SHROOM4: variants seen among roughly 807,000 people sequenced by gnomAD.
SHROOM4 encodes protein Shroom4.
SHROOM4 carries 17 observed loss-of-function variants against 80.3 expected under a neutral mutation model. That is an observed-to-expected ratio of 0.21 (90% CI 0.14 to 0.32). SHROOM4 has a LOEUF of 0.32. SHROOM4 is among the 10% of genes least tolerant of loss of function. The probability of loss-of-function intolerance (pLI) is 1.00; values close to 1 mark genes in which losing one functional copy is unlikely to be tolerated. For synonymous variants in SHROOM4, 400 were observed against 437.5 expected (o/e 0.91, Z 1.07); for missense variants, 993 against 1,140.3 (o/e 0.87, Z 1.86).
Position 50,607,637 on chromosome X carries a change from A to T in SHROOM4, c.3505T>A (p.Ser1169Thr). The T allele has an allele frequency of 8.3e-7, 1 of 1,210,198 alleles. No individual in the cohort carries two copies. Among genetic ancestry groups the T allele is most frequent in the Non-Finnish European group, 1.1e-6 (1 of 894,724 alleles). ...TCAGGATTGAGAGCACAGGAACCAG[A>T]GGTTTCTGAACTGAAATACTGGGGT... is the stretch of plus-strand genomic sequence containing the variant. ...LPPQYFSSET[S>T]GSCALNPEEV... Residue 1169 changes from serine (S) to threonine (T), a missense_variant, in exon 6 of 9, where the codon TCT becomes ACT. Ser to Thr is a moderately conservative substitution (Grantham distance 58). Coordinates refer to ENST00000376020, the MANE Select transcript of SHROOM4 (RefSeq NM_020717.5).
At position 50,697,586 on chromosome X, in the gene SHROOM4, T is replaced by A. The variant is rs544749814; in HGVS notation, c.118-1649A>T. On this transcript the variant is annotated intron_variant, in intron 1 of 8. Coordinates refer to ENST00000376020, the MANE Select transcript of SHROOM4 (RefSeq NM_020717.5). ...TATTGCTGCTAATCCAACTTTTTTTTAAAAAAATTAACCTTTGTCTGACAA... is the reference window on the plus strand; with the variant it reads ...TATTGCTGCTAATCCAACTTTTTTTAAAAAAAATTAACCTTTGTCTGACAA... Among the ~76,000 whole-genome samples, 115 of 110,484 alleles carry A rather than the reference T, an allele frequency of 1.0e-3. 2 individuals carry two copies. Among genetic ancestry groups the A allele is most frequent in the South Asian group, 9.4e-3 (25 of 2,660 alleles).
At chrX:50,655,186 A>G (rs1932257896) in intron 2 of SHROOM4, among the ~76,000 whole-genome samples, 1 of 109,738 alleles carries the variant, frequency 9.1e-6, no homozygotes, top group Non-Finnish European at 1.9e-5. Flanking sequence ...TATCCAATTC[A>G]CCATTGATGG....
chrX:50,729,433 A>G (rs1247414023), intron 1 of SHROOM4, among the ~76,000 whole-genome samples: 1 of 111,828 alleles, frequency 8.9e-6, no homozygotes, highest in East Asian at 2.8e-4. Flanking sequence ...ACTTGAATAC[A>G]GATGAATAGA....
chrX:50,703,968 C>G (rs1379187290), intron 1 of SHROOM4, among the ~76,000 whole-genome samples: 4 of 111,363 alleles, frequency 3.6e-5, no homozygotes, highest in Non-Finnish European at 7.5e-5. Context: ...TCAGGGAGAA[C>G]CAGAGTGGAA....
At chrX:50,782,035 C>A (rs1200672666) in intron 1 of SHROOM4, among the ~76,000 whole-genome samples, 1 of 111,167 alleles carries the variant, frequency 9.0e-6, no homozygotes, top group Non-Finnish European at 1.9e-5. Context: ...ATGGTGAAAC[C>A]CCATCTTTAC....
At chrX:50,676,299 T>G (rs1274476074) in intron 2 of SHROOM4, among the ~76,000 whole-genome samples, 3 of 110,939 alleles carry the variant, frequency 2.7e-5, no homozygotes, top group African/African-American at 9.8e-5. Context: ...AAAAGTAGTT[T>G]TTTTTTTTTC....
intron 6 of SHROOM4, 44 bp from the exon 7 acceptor site, chrX:50,602,857 G>C (rs1929493774): frequency 8.9e-7 from 1 of 1,122,244 alleles, no homozygotes; most frequent in Non-Finnish European, 1.2e-6. Context: ...CTGTTGAGAG[G>C]CTGCTGACAT....
In SHROOM4 at chrX:50,787,771, G is replaced by GAA. The variant is rs142352201; in HGVS notation, c.117+26129_117+26130dup. ...AGATGATATATTCAAAGCGCTAAAA[G>GAA]AAAAAAAAAAAACCCACCAGCAACT... On this transcript the variant is annotated intron_variant, in intron 1 of 8. Transcript: ENST00000376020. Among the ~76,000 whole-genome samples the GAA allele has an allele frequency of 4.1e-3, 408 of 99,334 alleles. 1 individual carries two copies. Among genetic ancestry groups the GAA allele is most frequent in the African/African-American group, 0.013 (344 of 27,473 alleles). 86.3% of individuals were successfully genotyped at this position (99,334 alleles called of 115,157 possible).
chrX:50,720,128 C>T (rs1188623262), intron 1 of SHROOM4, among the ~76,000 whole-genome samples: 1 of 110,681 alleles, frequency 9.0e-6, no homozygotes, highest in Admixed American at 9.6e-5. Context: ...GGGGTAAGGC[C>T]GACATGAAGT....
rs1557255229 is a variant in SHROOM4, at chrX:50,634,544, A to G, written c.1529T>C (p.Leu510Pro). ...ADGHPSEKGFLDPNRTSRAAS... is the reference protein window; with the variant it reads ...ADGHPSEKGFPDPNRTSRAAS... ...TGCTCTGCTTGTTCTGTTTGGGTCC[A>G]GGAAACCTTTTTCTGAGGGGTGTCC... The change falls in exon 4 of 9, where the codon CTG (leucine) becomes CCG (proline). Residue 510 changes from leucine (L) to proline (P), a missense_variant. Transcript: ENST00000376020. 1.2e-5 allele frequency: 14 copies of G among 1,211,822 alleles called. No homozygotes were observed. The highest frequency in any genetic ancestry group is 3.5e-5 in the South Asian group (2 of 56,955).
chrX:50,625,127 T>A (rs1443630279), intron 5 of SHROOM4, among the ~76,000 whole-genome samples: 2 of 111,497 alleles, frequency 1.8e-5, no homozygotes, highest in African/African-American at 6.5e-5. Context: ...ACCATAAGAA[T>A]GTTTGTATTG....
chrX:50,635,303 C>T lies in SHROOM4; in HGVS notation c.770G>A (p.Arg257His), dbSNP rs376604578. Residue 257 changes from arginine to histidine, a missense_variant, in exon 4 of 9, where the codon CGT becomes CAT. Arg to His is a conservative substitution (Grantham distance 29). Transcript: ENST00000376020. ...CCCTGACTGGTATCCCTCCTGTGGA[C>T]GGGATGACATCTGAGAGCTGGGGGT... ...HLTPSSQMSS[R>H]PQEGYQSGPA... 1.3e-5 allele frequency: 16 copies of T among 1,199,157 alleles called. No homozygotes were observed. The highest frequency in any genetic ancestry group is 5.5e-5 in the South Asian group (3 of 55,040).
intron 2 of SHROOM4, among the ~76,000 whole-genome samples, chrX:50,685,063 T>A (rs1009647979): frequency 8.9e-6 from 1 of 111,806 alleles, no homozygotes; most frequent in African/African-American, 3.3e-5. Flanking sequence ...TACAGAGATG[T>A]ACTTTAGGAA....
chrX:50,738,306 A>G (rs1158221441), intron 1 of SHROOM4, among the ~76,000 whole-genome samples: 1 of 111,335 alleles, frequency 9.0e-6, no homozygotes, highest in Admixed American at 9.6e-5. Flanking sequence ...CCTATTCAAC[A>G]TAGTGTTGGA....
At chrX:50,617,867 CAGA>C (rs1715944082) in intron 5 of SHROOM4, among the ~76,000 whole-genome samples, 2 of 111,213 alleles carry the variant, frequency 1.8e-5, no homozygotes, top group African/African-American at 6.6e-5. Context: ...ATCAAGCAGG[CAGA>C]AGAAGACCAA....
rs1273831211 is a variant in SHROOM4 at position 50,590,193 on chromosome X, G to A, written c.*6502C>T. Among the ~76,000 whole-genome samples the A allele has an allele frequency of 9.0e-6, 1 of 111,515 alleles. No individual in the cohort carries two copies. Among genetic ancestry groups the A allele is most frequent in the Non-Finnish European group, 1.9e-5 (1 of 53,121 alleles). ...TAAATTGGTTTAGATGAAGTCACAA[G>A]AGTAGGCATTCATAATGAAATTATA... On this transcript the variant is annotated 3_prime_UTR_variant, in exon 9 of 9. Coordinates refer to ENST00000376020, the MANE Select transcript of SHROOM4 (RefSeq NM_020717.5).
chrX:50,720,466 C>T (rs1934079121), intron 1 of SHROOM4, among the ~76,000 whole-genome samples: 1 of 112,540 alleles, frequency 8.9e-6, no homozygotes, highest in Admixed American at 9.4e-5. Context: ...TCTTCTACAA[C>T]ATACAATATT....
At chrX:50,720,600 C>T (rs1286397263) in intron 1 of SHROOM4, among the ~76,000 whole-genome samples, 1 of 112,128 alleles carries the variant, frequency 8.9e-6, no homozygotes, top group Non-Finnish European at 1.9e-5. Flanking sequence ...GTCTTTTACT[C>T]ACCATCCCAT....
At chrX:50,807,762 G>A (rs1486558871) in intron 1 of SHROOM4, among the ~76,000 whole-genome samples, 3 of 111,216 alleles carry the variant, frequency 2.7e-5, no homozygotes, top group Non-Finnish European at 5.7e-5. Context: ...TAAATAAATA[G>A]TAGGAGATGA....
Sources: allele counts gnomAD v4.1 joint callset (sites outside exome capture counted in the v4.1 genomes callset), GRCh38; gene constraint gnomAD v4.1.1; transcripts MANE v1.5; gene names NCBI Gene and HGNC (gene_info 2026-07-23, HGNC 2026-07-21).